The following ADAMTS9 variants were observed in gnomAD, a reference collection of about 807,000 sequenced individuals.
ADAMTS9 encodes A disintegrin and metalloproteinase with thrombospondin motifs 9.
In ADAMTS9, 107 loss-of-function variants were observed where a neutral mutation model predicts 257.1. The observed-to-expected ratio is 0.42, with a 90% confidence interval of 0.36 to 0.49. The LOEUF (loss-of-function observed/expected upper bound fraction) is 0.49, where lower values mean the gene tolerates loss of function less well. Ranked by LOEUF, ADAMTS9 falls within the 20% of genes least tolerant of loss-of-function variation. The probability of loss-of-function intolerance (pLI) is 0.03; values close to 1 mark genes in which losing one functional copy is unlikely to be tolerated. For synonymous variants in ADAMTS9, 982 were observed against 880.9 expected, an observed-to-expected ratio of 1.11 and a Z score of -2.03; for missense variants, 2,353 against 2,469.1, an observed-to-expected ratio of 0.95 and a Z score of 1.00.
chr3:64,548,109 A>G (rs560801291), intron 31 of ADAMTS9, among the ~76,000 whole-genome samples: 7 of 152,090 alleles, frequency 4.6e-5, no homozygotes, highest in Non-Finnish European at 7.4e-5. Flanking sequence ...GCTTTCATCA[A>G]TTCTCAAGGG....
intron 28 of ADAMTS9, among the ~76,000 whole-genome samples, chr3:64,571,180 G>A (rs994770558): frequency 6.6e-6 from 1 of 152,170 alleles, no homozygotes; most frequent in Non-Finnish European, 1.5e-5. Flanking sequence ...GGAAGAATTG[G>A]AAAAGGTACA....
At chr3:64,667,482 G>A (rs576764380) in intron 3 of ADAMTS9, among the ~76,000 whole-genome samples, 69 of 152,294 alleles carry the variant, frequency 4.5e-4, no homozygotes, top group Admixed American at 9.8e-4. Context: ...AGAGAAGGGC[G>A]TGCGAGTGGA....
chr3:64,687,039 G>A lies in ADAMTS9; in HGVS notation c.116-71C>T. 1 of 1,523,802 alleles carries A rather than the reference G, an allele frequency of 6.6e-7. No individual in the cohort carries two copies. The allele number at this position is 1,523,802 out of a possible 1,614,324, so 94.4% of individuals were successfully genotyped here. ...TTAAGCTTTAATTTAAAACGAAGGTGGGGACTTTGTTCTGACCTTATTTTC... is the reference window on the plus strand; with the variant it reads ...TTAAGCTTTAATTTAAAACGAAGGTAGGGACTTTGTTCTGACCTTATTTTC... On this transcript the variant is annotated intron_variant, in intron 1 of 39. Transcript: ENST00000498707. The surrounding 1 kb of genome is among the most constrained non-coding windows in gnomAD (Gnocchi z 4.4).
At chr3:64,553,832 G>A (rs1347777878) in intron 30 of ADAMTS9, among the ~76,000 whole-genome samples, 1 of 152,134 alleles carries the variant, frequency 6.6e-6, no homozygotes, top group Non-Finnish European at 1.5e-5. Context: ...GAGGCCGGCT[G>A]AGCCCAGTTC....
At chr3:64,662,900 C>G (rs1230660583) in intron 3 of ADAMTS9, among the ~76,000 whole-genome samples, 1 of 152,086 alleles carries the variant, frequency 6.6e-6, no homozygotes, top group Non-Finnish European at 1.5e-5. Context: ...TTAACACAAA[C>G]TTTATTTCAT....
chr3:64,609,070 C>T (rs1173116027), intron 22 of ADAMTS9, among the ~76,000 whole-genome samples: 1 of 151,952 alleles, frequency 6.6e-6, no homozygotes, highest in Non-Finnish European at 1.5e-5. Context: ...AATTCAACAT[C>T]TTTTCATGAT....
At chr3:64,681,417 G>GA (rs1271320990) in intron 2 of ADAMTS9, 54 bp from the exon 3 acceptor site, 24 of 1,528,098 alleles carry the variant, frequency 1.6e-5, no homozygotes, top group Non-Finnish European at 1.9e-5. Context: ...TCATTGGGAG[G>GA]AAAAAAACCA....
chr3:64,576,249 G>A (rs566825502), intron 28 of ADAMTS9, among the ~76,000 whole-genome samples: 18 of 152,234 alleles, frequency 1.2e-4, no homozygotes, highest in East Asian at 3.9e-4. Flanking sequence ...GAACTCCTGC[G>A]TTTCTCCCTT....
In ADAMTS9 at chr3:64,686,737, T is replaced by A. The variant is rs757837773; in HGVS notation, c.347A>T (p.Asn116Ile). 2 of 1,614,162 alleles carry A rather than the reference T, an allele frequency of 1.2e-6. No homozygotes were observed. The highest frequency in any genetic ancestry group is 1.7e-6 in the Non-Finnish European group (2 of 1,180,030). ...GQQFLFNLTA[N>I]AGFIAPLFTV... The stretch of plus-strand genomic sequence containing the variant: ...GAACAGTGGAGCGATAAATCCGGCA[T>A]TGGCGGTGAGATTAAATAGAAACTG... The change falls in exon 2 of 40, where the codon AAT (asparagine) becomes ATT (isoleucine). Residue 116 changes from asparagine (N) to isoleucine (I), a missense_variant. Physicochemically the swap from Asn to Ile is moderately radical, Grantham distance 149. Around this residue, in one of 3 missense-constraint regions of ADAMTS9, gnomAD observed 591 missense variants for 569.6 expected, o/e 1.04. Transcript: ENST00000498707. This position sits in a 1 kb window ranked among gnomAD's most constrained non-coding sequence, Gnocchi z 4.6.
intron 38 of ADAMTS9, among the ~76,000 whole-genome samples, chr3:64,532,334 C>T (rs1379001373): frequency 1.3e-5 from 2 of 152,124 alleles, no homozygotes; most frequent in Non-Finnish European, 2.9e-5. Context: ...AACACAAAGC[C>T]TATTTTATAA....
At chr3:64,603,442 T>C (rs1426895461) in intron 25 of ADAMTS9, among the ~76,000 whole-genome samples, 1 of 152,176 alleles carries the variant, frequency 6.6e-6, no homozygotes, top group South Asian at 2.1e-4. Context: ...AGATAGTGCT[T>C]GGTGTACAGC....
chr3:64,681,118 C>A (rs1227144934), intron 3 of ADAMTS9, 83 bp downstream of exon 3: 2 of 1,478,930 alleles, frequency 1.4e-6, no homozygotes, highest in East Asian at 4.6e-5. Flanking sequence ...ACTTTGTAGA[C>A]TGAAAGAGAG....
At chr3:64,606,152 A>G (rs74535473) in intron 23 of ADAMTS9, among the ~76,000 whole-genome samples, 1,665 of 152,352 alleles carry the variant, frequency 0.011, 30 homozygotes, top group African/African-American at 0.037. Context: ...CCTTTCAGAT[A>G]TTAGAAGAAT....
chr3:64,568,294 A>T, intron 29 of ADAMTS9, 74 bp downstream of exon 29: 17 of 1,509,150 alleles, frequency 1.1e-5, no homozygotes, highest in Non-Finnish European at 1.5e-5. Context: ...GCATAGAAAC[A>T]CAAGTGAACA....
At chr3:64,644,350 A>G (rs753897115) in intron 11 of ADAMTS9, among the ~76,000 whole-genome samples, 14 of 152,262 alleles carry the variant, frequency 9.2e-5, no homozygotes, top group Non-Finnish European at 1.8e-4. Flanking sequence ...TTAACAGTGC[A>G]TACTCTTAAC....
intron 11 of ADAMTS9, among the ~76,000 whole-genome samples, chr3:64,645,977 G>C (rs1045750927): frequency 1.3e-5 from 2 of 152,228 alleles, no homozygotes; most frequent in African/African-American, 4.8e-5. Context: ...TTCCAGAATT[G>C]GTTGGGTAAC....
chr3:64,579,752 A>G (rs560994937), intron 28 of ADAMTS9, among the ~76,000 whole-genome samples: 20 of 152,350 alleles, frequency 1.3e-4, no homozygotes, highest in African/African-American at 4.8e-4. Flanking sequence ...ATTCTGCACA[A>G]TGCTCAGTTT....
intron 38 of ADAMTS9, among the ~76,000 whole-genome samples, chr3:64,522,896 T>C (rs1258378134): frequency 6.6e-6 from 1 of 152,158 alleles, no homozygotes; most frequent in Non-Finnish European, 1.5e-5. Context: ...GACAAAGGAT[T>C]GTGATTATTA....
intron 16 of ADAMTS9, among the ~76,000 whole-genome samples, chr3:64,629,229 T>C (rs1008344370): frequency 2.0e-5 from 3 of 152,188 alleles, no homozygotes; most frequent in African/African-American, 7.2e-5. Context: ...GCTTCTGTCC[T>C]GTACACACTT....
Sources: allele counts gnomAD v4.1 joint callset (sites outside exome capture counted in the v4.1 genomes callset), GRCh38; gene constraint gnomAD v4.1.1; regional missense constraint gnomAD v4.1.1; non-coding constraint Gnocchi (gnomAD v3.1); transcripts MANE v1.5; gene names NCBI Gene and HGNC (gene_info 2026-07-23, HGNC 2026-07-21).